The following PTK2 variants were observed in gnomAD, a reference collection of about 807,000 sequenced individuals.
The protein encoded by PTK2 is protein tyrosine kinase 2.
A neutral mutation model predicts 150.1 loss-of-function variants in PTK2; 45 were observed. That is an observed-to-expected ratio of 0.30 (90% confidence interval 0.24 to 0.38). The LOEUF (loss-of-function observed/expected upper bound fraction) is 0.38, where lower values mean the gene tolerates loss of function less well. Ranked by LOEUF, PTK2 falls within the 10% of genes least tolerant of loss-of-function variation. The pLI, the probability that PTK2 is intolerant of heterozygous loss-of-function variation, is 1.00. For missense variants in PTK2, 919 were observed against 1,307.3 expected (o/e 0.70, Z 4.58); for synonymous variants, 432 against 449.2 (o/e 0.96, Z 0.48).
At chr8:140,760,638 G>A (rs915718758) in intron 16 of PTK2, among the ~76,000 whole-genome samples, 1 of 152,136 alleles carries the variant, frequency 6.6e-6, no homozygotes, top group Non-Finnish European at 1.5e-5. Flanking sequence ...TGAAGAAAAC[G>A]TTCCAATTGA....
At chr8:140,928,237 T>A (rs1358239111) in intron 1 of PTK2, among the ~76,000 whole-genome samples, 1 of 151,966 alleles carries the variant, frequency 6.6e-6, no homozygotes, top group Non-Finnish European at 1.5e-5. Context: ...AAAATTTGTA[T>A]CATTAAAAAA....
intron 26 of PTK2, among the ~76,000 whole-genome samples, chr8:140,688,432 C>T (rs1166156595): frequency 2.0e-5 from 3 of 150,370 alleles, no homozygotes; most frequent in African/African-American, 7.4e-5. Flanking sequence ...TCAAATGTAG[C>T]GTTGGGTGTG....
chr8:140,669,855 A>C, intron 29 of PTK2, 120 bp from the exon 33 acceptor site: 1 of 1,170,382 alleles, frequency 8.5e-7, no homozygotes, highest in Non-Finnish European at 1.2e-6. Context: ...GAGCAGAACA[A>C]AAAGGAGCTA....
intron 26 of PTK2, among the ~76,000 whole-genome samples, chr8:140,692,563 G>A (rs543295130): frequency 2.0e-5 from 3 of 152,086 alleles, no homozygotes; most frequent in East Asian, 1.9e-4. Flanking sequence ...GTTGCAGTGT[G>A]CCAAGATTGC....
intron 5 of PTK2, among the ~76,000 whole-genome samples, chr8:140,863,143 G>A (rs896468483): frequency 2.6e-5 from 4 of 151,922 alleles, no homozygotes; most frequent in South Asian, 2.1e-4. Context: ...CTCTTTCATG[G>A]CAGTAAGTGC....
intron 14 of PTK2, among the ~76,000 whole-genome samples, chr8:140,773,973 T>C (rs1311096921): frequency 1.3e-5 from 2 of 152,122 alleles, no homozygotes; most frequent in Non-Finnish European, 2.9e-5. Flanking sequence ...AGACCTCACA[T>C]ACCTCAGGCT....
chr8:140,930,000 G>A (rs1280011343), intron 1 of PTK2, among the ~76,000 whole-genome samples: 4 of 152,188 alleles, frequency 2.6e-5, no homozygotes, highest in Non-Finnish European at 5.9e-5. Flanking sequence ...CCCATAAGGA[G>A]TTGACAGACC....
chr8:140,690,782 C>T (rs943584958), intron 26 of PTK2, among the ~76,000 whole-genome samples: 3 of 152,122 alleles, frequency 2.0e-5, no homozygotes, highest in Admixed American at 6.6e-5. Context: ...GGCAAACTGA[C>T]AAAACAATGT....
chr8:140,791,288 G>GTGA (rs1232331811), intron 13 of PTK2, among the ~76,000 whole-genome samples: 1 of 152,128 alleles, frequency 6.6e-6, no homozygotes, highest in Non-Finnish European at 1.5e-5. Context: ...CCGGGCTTCA[G>GTGA]TGATCCTCCT....
At chr8:140,902,776 A>G (rs532029977) in intron 2 of PTK2, among the ~76,000 whole-genome samples, 2 of 152,174 alleles carry the variant, frequency 1.3e-5, no homozygotes, top group East Asian at 3.9e-4. Context: ...GTGTCTGTTC[A>G]TATCCTTCGC....
At chr8:140,740,388 C>A (rs1293900725) in intron 20 of PTK2, among the ~76,000 whole-genome samples, 1 of 152,174 alleles carries the variant, frequency 6.6e-6, no homozygotes, top group African/African-American at 2.4e-5. Context: ...ACAGGAACAG[C>A]ACCCTGATTC....
At chr8:140,729,731 T>C (rs777323628) in intron 22 of PTK2, among the ~76,000 whole-genome samples, 3 of 152,184 alleles carry the variant, frequency 2.0e-5, no homozygotes, top group Non-Finnish European at 4.4e-5. Flanking sequence ...AATCATAAGA[T>C]GGCAGGCACA....
At chr8:140,947,572 A>C (rs1288156336) in intron 1 of PTK2, among the ~76,000 whole-genome samples, 1 of 152,138 alleles carries the variant, frequency 6.6e-6, no homozygotes, top group Non-Finnish European at 1.5e-5. Context: ...TCAAGGTGGT[A>C]GAGTAATGAG....
At chr8:140,689,117 C>T (rs1008086751) in intron 26 of PTK2, among the ~76,000 whole-genome samples, 16 of 152,096 alleles carry the variant, frequency 1.1e-4, no homozygotes, top group African/African-American at 3.6e-4. Flanking sequence ...AGCAAACACA[C>T]GTAATACATT....
rs866398499 is a variant in PTK2 at position 140,795,534 on chromosome 8, C to T, written c.1094-2150G>A. On this transcript the variant is annotated intron_variant, in intron 12 of 31. Coordinates refer to ENST00000522684, the Ensembl canonical transcript of PTK2. ...TTAAAATTGTATCCCTTACTTTCTT[C>T]CCTGTCTTATTTTTCTCGATACAGC... is the stretch of plus-strand genomic sequence containing the variant. 9.2e-5 allele frequency among the ~76,000 whole-genome samples: 14 copies of T among 152,178 alleles called. 1 individual carries two copies. Among genetic ancestry groups the T allele is most frequent in the Non-Finnish European group, 1.6e-4 (11 of 68,032 alleles).
At chr8:140,894,527 G>A (rs1014717476) in intron 2 of PTK2, among the ~76,000 whole-genome samples, 7 of 152,166 alleles carry the variant, frequency 4.6e-5, no homozygotes, top group African/African-American at 1.7e-4. Flanking sequence ...TTCCTATAAT[G>A]GAGTACTATG....
At chr8:140,745,058 A>C (rs891791036) in intron 18 of PTK2, among the ~76,000 whole-genome samples, 1 of 142,984 alleles carries the variant, frequency 7.0e-6, no homozygotes, top group Non-Finnish European at 1.5e-5. Flanking sequence ...GAACAAAAGC[A>C]CAGTACAAAT....
chr8:140,925,922 C>G (rs1428868215), intron 1 of PTK2, among the ~76,000 whole-genome samples, 173 bp from the exon 2 acceptor site: 1 of 152,090 alleles, frequency 6.6e-6, no homozygotes, highest in Non-Finnish European at 1.5e-5. Flanking sequence ...ATGATGATAC[C>G]AGGTAGATGC....
chr8:140,726,341 G>A (rs2100045783), intron 22 of PTK2, among the ~76,000 whole-genome samples: 1 of 152,118 alleles, frequency 6.6e-6, no homozygotes, highest in African/African-American at 2.4e-5. Context: ...ACAGAAAAAT[G>A]TATCTGAAGA....
Sources: gnomAD v4.1 joint callset for allele counts (sites outside exome capture counted in the v4.1 genomes callset) on GRCh38, gnomAD v4.1.1 for gene constraint, MANE v1.5 for transcripts, NCBI Gene and HGNC (gene_info 2026-07-23, HGNC 2026-07-21) for gene names.